Variants in FGD3 observed in about 807,000 individuals in gnomAD.
The protein encoded by FGD3 is FYVE, RhoGEF and PH domain containing 3.
Under a neutral mutation model 71.8 loss-of-function variants are expected in FGD3, and 45 were observed. That is an observed-to-expected ratio of 0.63 (90% CI 0.49 to 0.80). FGD3 has a LOEUF of 0.80. Among genes scored for constraint, FGD3 ranks in the 30% least tolerant of loss-of-function variants. FGD3 has a pLI of 0.00. For missense variants in FGD3, 844 were observed against 951.5 expected, an observed-to-expected ratio of 0.89 and a Z score of 1.49; for synonymous variants, 378 against 392.8, an observed-to-expected ratio of 0.96 and a Z score of 0.44.
intron 13 of FGD3, among the ~76,000 whole-genome samples, chr9:93,021,920 C>T (rs907827039): frequency 1.6e-4 from 25 of 152,222 alleles, no homozygotes; most frequent in African/African-American, 5.8e-4. Flanking sequence ...CCTTTCTGTT[C>T]AGAGGCTGAG....
chr9:93,035,328 TCTG>T lies in FGD3; in HGVS notation c.1927-5_1927-3del, dbSNP rs1862552879. 2 of 1,606,230 alleles carry T rather than the reference TCTG, an allele frequency of 1.2e-6. No homozygotes were observed. Among genetic ancestry groups the T allele is most frequent in the South Asian group, 1.1e-5 (1 of 90,426 alleles). On this transcript the variant is annotated splice_region_variant and splice_polypyrimidine_tract_variant and intron_variant, in intron 17 of 17. Transcript: ENST00000375482. ...TGTGGCCCCGCTGACCATCTGCTCC[TCTG>T]CTGCAGGACGGCCGGCTGCCCCGCA...
chr9:93,028,769 A>G (rs1862232621), intron 14 of FGD3, among the ~76,000 whole-genome samples: 1 of 152,212 alleles, frequency 6.6e-6, no homozygotes, highest in South Asian at 2.1e-4. Flanking sequence ...GAGGTGAGTC[A>G]TCCAGGGTTG....
chr9:92,998,855 C>T (rs1475139071), intron 3 of FGD3, among the ~76,000 whole-genome samples: 6 of 152,118 alleles, frequency 3.9e-5, no homozygotes, highest in South Asian at 2.1e-4. Flanking sequence ...GAGGGGCACC[C>T]GGCTGTATGG....
In FGD3 at chr9:93,011,668, C is replaced by T. The variant is rs1448371260; in HGVS notation, c.1035+396C>T. 1.1e-3 allele frequency among the ~76,000 whole-genome samples: 141 copies of T among 132,122 alleles called. No individual in the cohort carries two copies. The Middle Eastern group carries it at 0.022, about 21-fold the overall frequency. 86.7% of individuals were successfully genotyped at this position (132,122 alleles called of 152,430 possible). ...GTCAGGAGTTGGAGACCAGCCTGGC[C>T]AATATGGTGAAACCCCGTCTCTACT... On this transcript the variant is annotated intron_variant, in intron 8 of 17. Transcript: ENST00000375482.
At chr9:92,978,222 C>T (rs1320521959) in intron 3 of FGD3, among the ~76,000 whole-genome samples, 1 of 145,996 alleles carries the variant, frequency 6.8e-6, no homozygotes, top group Non-Finnish European at 1.5e-5. Context: ...GCGGAGGTTG[C>T]GGTGAGCCGA....
chr9:92,971,566 CTTTTTTT>C (rs869043960), intron 1 of FGD3, among the ~76,000 whole-genome samples: 16 of 39,580 alleles, frequency 4.0e-4, no homozygotes, highest in Non-Finnish European at 5.1e-4. Context: ...CTTTTCTTTT[CTTTTTTT>C]TTTTTTTTTT....
intron 14 of FGD3, among the ~76,000 whole-genome samples, chr9:93,028,554 G>A (rs1414130509): frequency 6.6e-6 from 1 of 152,166 alleles, no homozygotes; most frequent in African/African-American, 2.4e-5. Flanking sequence ...GGAAATGCTG[G>A]GTGTGGACCA....
chr9:92,998,891 G>C (rs1372296467), intron 3 of FGD3, among the ~76,000 whole-genome samples: 1 of 152,220 alleles, frequency 6.6e-6, no homozygotes, highest in East Asian at 1.9e-4. Context: ...CTACTGGGAA[G>C]TGTCTCCCAG....
At chr9:92,984,318 T>C (rs1860109469) in intron 3 of FGD3, among the ~76,000 whole-genome samples, 1 of 152,268 alleles carries the variant, frequency 6.6e-6, no homozygotes, top group Middle Eastern at 3.2e-3. Context: ...ATCCTTTTCA[T>C]GCAAAATCAC....
intron 3 of FGD3, among the ~76,000 whole-genome samples, chr9:92,993,928 A>G (rs1054745938): frequency 3.9e-5 from 6 of 152,158 alleles, no homozygotes; most frequent in African/African-American, 1.4e-4. Flanking sequence ...ATAAACATAC[A>G]TGTGCATGTG....
intron 14 of FGD3, among the ~76,000 whole-genome samples, chr9:93,023,303 A>G (rs1861996219): frequency 6.6e-6 from 1 of 152,070 alleles, no homozygotes; most frequent in South Asian, 2.1e-4. Context: ...GGCCCCACCC[A>G]TCATGATCTG....
chr9:93,020,463 G>A (rs1323152283), intron 13 of FGD3, 39 bp downstream of exon 13: 59 of 1,570,430 alleles, frequency 3.8e-5, no homozygotes, highest in Non-Finnish European at 4.9e-5. Context: ...ACCTCCAGGG[G>A]ACGGGCTACC....
chr9:92,958,174 T>G (rs1449503125), intron 1 of FGD3, among the ~76,000 whole-genome samples: 1 of 151,980 alleles, frequency 6.6e-6, no homozygotes, highest in Non-Finnish European at 1.5e-5. Context: ...AATTTTTGTA[T>G]TTTTAGTAGA....
At chr9:93,021,598 C>T (rs948037063) in intron 13 of FGD3, among the ~76,000 whole-genome samples, 5 of 152,260 alleles carry the variant, frequency 3.3e-5, no homozygotes, top group African/African-American at 9.6e-5. Context: ...CCAGCCTTCA[C>T]GGGGGCACCA....
intron 1 of FGD3, among the ~76,000 whole-genome samples, chr9:92,949,700 G>C (rs955501604): frequency 6.6e-6 from 1 of 152,192 alleles, no homozygotes; most frequent in Non-Finnish European, 1.5e-5. Context: ...GTGTATCTGT[G>C]TGGTCCAAGA....
chr9:92,949,853 G>A lies in FGD3; in HGVS notation c.-218+2124G>A, dbSNP rs1001898701. Among the ~76,000 whole-genome samples, 4 of 152,154 alleles carry A rather than the reference G, an allele frequency of 2.6e-5. No individual in the cohort carries two copies. The East Asian group carries it at 7.7e-4, about 29-fold the overall frequency. ...CACAACCCTCTGAGGAGCTCTCCCT[G>A]TCCTGCTGGCCAAGGAGCCCTGTGC... is the stretch of plus-strand genomic sequence containing the variant. On this transcript the variant is annotated intron_variant, in intron 1 of 17. Coordinates refer to ENST00000375482, the MANE Select transcript of FGD3 (RefSeq NM_001083536.2).
chr9:93,020,481 A>G (rs1414539186), intron 13 of FGD3, 57 bp downstream of exon 13: 1 of 1,482,878 alleles, frequency 6.7e-7, no homozygotes, highest in South Asian at 1.2e-5. Context: ...ACCTGTGGAG[A>G]GCAGAAGGCA....
chr9:92,990,955 C>G (rs1376588318), intron 3 of FGD3, among the ~76,000 whole-genome samples: 1 of 152,106 alleles, frequency 6.6e-6, no homozygotes, highest in East Asian at 1.9e-4. Context: ...GAAGAATTTC[C>G]TCCGATTCAA....
intron 14 of FGD3, among the ~76,000 whole-genome samples, chr9:93,027,715 CTTTTTTTT>C (rs1199094054): frequency 1.3e-4 from 13 of 102,010 alleles, no homozygotes; most frequent in Non-Finnish European, 1.5e-4. Context: ...TTCTTTCTTT[CTTTTTTTT>C]TTTTTTTTTT....
Sources: gnomAD v4.1 joint callset for allele counts (sites outside exome capture counted in the v4.1 genomes callset) on GRCh38, gnomAD v4.1.1 for gene constraint, MANE v1.5 for transcripts, NCBI Gene and HGNC (gene_info 2026-07-23, HGNC 2026-07-21) for gene names.